Variants in EXPH5 observed in about 807,000 individuals in gnomAD.
The protein encoded by EXPH5 is exophilin 5.
A neutral mutation model predicts 41.1 loss-of-function variants in EXPH5; 42 were observed. The observed-to-expected ratio is 1.02, with a 90% CI of 0.80 to 1.32. The LOEUF (loss-of-function observed/expected upper bound fraction) is 1.32, where lower values mean the gene tolerates loss of function less well. EXPH5 is among the 40% of genes most tolerant of loss of function. The pLI, the probability that EXPH5 is intolerant of heterozygous loss-of-function variation, is 0.00. For synonymous variants in EXPH5, 798 were observed against 833.5 expected (o/e 0.96, Z 0.73); for missense variants, 2,298 against 2,314.5 (o/e 0.99, Z 0.15).
At chr11:108,592,960 C>A (rs1464528049) in intron 1 of EXPH5, among the ~76,000 whole-genome samples, 2 of 152,246 alleles carry the variant, frequency 1.3e-5, no homozygotes, top group African/African-American at 4.8e-5. Flanking sequence ...GGGAAAACTG[C>A]GTTAGGCGAG....
Position 108,593,540 on chromosome 11 carries a change from C to T in EXPH5, c.-4G>A. ...ACGCCGGAGGAACTTTCGTCATTTT[C>T]TTTACTGTGTGTGAGTTACACTTAA... On this transcript the variant is annotated 5_prime_UTR_variant, in exon 1 of 6. Coordinates refer to ENST00000265843, the MANE Select transcript of EXPH5 (RefSeq NM_015065.3). 6.2e-7 allele frequency: 1 copy of T among 1,614,180 alleles called. No homozygotes were observed. Among genetic ancestry groups the T allele is most frequent in the Non-Finnish European group, 8.5e-7 (1 of 1,180,022 alleles).
At chr11:108,544,019 G>A (rs1194964778) in intron 1 of EXPH5, among the ~76,000 whole-genome samples, 3 of 151,960 alleles carry the variant, frequency 2.0e-5, no homozygotes, top group South Asian at 2.1e-4. Flanking sequence ...TGGAGCCCTC[G>A]CTAATTGTCA....
intron 3 of EXPH5, among the ~76,000 whole-genome samples, chr11:108,534,415 C>T (rs1237396445): frequency 1.3e-5 from 2 of 152,146 alleles, no homozygotes; most frequent in Non-Finnish European, 2.9e-5. Flanking sequence ...ATATAAGGCC[C>T]GTGTGTTGTG....
chr11:108,527,890 A>G (rs1341003867), intron 4 of EXPH5, among the ~76,000 whole-genome samples: 2 of 152,232 alleles, frequency 1.3e-5, no homozygotes, highest in Non-Finnish European at 2.9e-5. Context: ...GCAAAATATC[A>G]GAGATGCCAC....
intron 1 of EXPH5, among the ~76,000 whole-genome samples, chr11:108,583,348 G>A (rs2136117158): frequency 6.6e-6 from 1 of 151,494 alleles, no homozygotes; most frequent in Non-Finnish European, 1.5e-5. Flanking sequence ...CTCCAGCCTG[G>A]GCGATAGAGT....
At chr11:108,579,118 C>G (rs539089652) in intron 1 of EXPH5, among the ~76,000 whole-genome samples, 19 of 152,060 alleles carry the variant, frequency 1.2e-4, no homozygotes, top group African/African-American at 4.6e-4. Context: ...TTCCCCCACT[C>G]AGTATGATGC....
chr11:108,550,251 A>C (rs1236589277), intron 1 of EXPH5, among the ~76,000 whole-genome samples: 1 of 152,150 alleles, frequency 6.6e-6, no homozygotes, highest in African/African-American at 2.4e-5. Flanking sequence ...CTGTATAAGG[A>C]AGCTTGGGTT....
At chr11:108,573,120 AAAAGAAGGAAGG>A (rs1403134545) in intron 1 of EXPH5, among the ~76,000 whole-genome samples, 1 of 137,662 alleles carries the variant, frequency 7.3e-6, no homozygotes, top group East Asian at 2.2e-4. Flanking sequence ...AAAGAAAAAG[AAAAGAAGGAAGG>A]AAAGAAGGAA....
the EXPH5 span, among the ~76,000 whole-genome samples, chr11:108,606,321 G>A: frequency 6.6e-6 from 1 of 151,986 alleles, no homozygotes; most frequent in Non-Finnish European, 1.5e-5. Flanking sequence ...TTTCCTCCTC[G>A]TGGGCCCTGT....
At chr11:108,541,131 C>T (rs1331142116) in intron 2 of EXPH5, among the ~76,000 whole-genome samples, 1 of 152,118 alleles carries the variant, frequency 6.6e-6, no homozygotes. Flanking sequence ...TCTCAAACTC[C>T]TGAGCTTAAG....
At chr11:108,595,923 C>T (rs1200662313), upstream of EXPH5, among the ~76,000 whole-genome samples, 2 of 152,136 alleles carry the variant, frequency 1.3e-5, no homozygotes, top group South Asian at 2.1e-4. Flanking sequence ...AACTTAAGGC[C>T]GGGCACAGTG....
chr11:108,534,715 C>G (rs1053851028), intron 3 of EXPH5, among the ~76,000 whole-genome samples: 2 of 152,160 alleles, frequency 1.3e-5, no homozygotes, highest in African/African-American at 4.8e-5. Context: ...TAGTACTCAC[C>G]ACCTTCTACT....
chr11:108,531,366 G>A lies in EXPH5; in HGVS notation c.444-3182C>T, dbSNP rs191081316. 4.6e-5 allele frequency among the ~76,000 whole-genome samples: 7 copies of A among 152,264 alleles called. No homozygotes were observed. In the East Asian group the frequency reaches 1.3e-3, roughly 29 times the overall value. The stretch of plus-strand genomic sequence containing the variant: ...CAGCTGAGGTGGGCAGATCATTTGA[G>A]GTCAGGTGTTTGAGACCAGCCTGGC... On this transcript the variant is annotated intron_variant, in intron 3 of 5. Transcript: ENST00000265843.
rs1254817357 is a variant in EXPH5, at chr11:108,510,781, T to A, written c.4726A>T (p.Lys1576Ter). 6.2e-6 allele frequency: 10 copies of A among 1,614,040 alleles called. No homozygotes were observed. Among genetic ancestry groups the A allele is most frequent in the Non-Finnish European group, 8.5e-6 (10 of 1,180,000 alleles). Residue 1576 changes from lysine (K) to a stop codon, truncating the protein, a stop_gained, in exon 6 of 6, where the codon AAA becomes TAA. Transcript: ENST00000265843. LOFTEE classifies it low-confidence loss of function (END_TRUNC). The part of the protein sequence containing the change: ...QPSLPEGNKN[K>*]TNLDDLVKGE... ...TTTACTAGGTCATCCAAGTTGGTTT[T>A]ATTTTTGTTTCCTTCAGGAAGTGAA...
chr11:108,532,065 T>C (rs2093841534), intron 3 of EXPH5, among the ~76,000 whole-genome samples: 1 of 151,980 alleles, frequency 6.6e-6, no homozygotes, highest in Non-Finnish European at 1.5e-5. Flanking sequence ...CCTGCAGTCT[T>C]CCATTTGTTC....
At chr11:108,515,266 T>C (rs1456652180) in intron 5 of EXPH5, among the ~76,000 whole-genome samples, 1 of 152,156 alleles carries the variant, frequency 6.6e-6, no homozygotes, top group Non-Finnish European at 1.5e-5. Context: ...TAGACAATTG[T>C]TAGTATTATT....
chr11:108,526,885 T>A (rs2135978497), intron 4 of EXPH5, among the ~76,000 whole-genome samples: 1 of 152,262 alleles, frequency 6.6e-6, no homozygotes, highest in East Asian at 1.9e-4. Flanking sequence ...AACGAAATGA[T>A]CTGTGTCAAG....
chr11:108,539,167 T>A lies in EXPH5; in HGVS notation c.300A>T (p.Thr100=). 6.3e-7 allele frequency: 1 copy of A among 1,598,668 alleles called. No individual in the cohort carries two copies. The highest frequency in any genetic ancestry group is 8.5e-7 in the Non-Finnish European group (1 of 1,173,952). The change falls in exon 3 of 6, where the codon ACA becomes ACT. Residue 100 remains threonine, a synonymous_variant. Transcript: ENST00000265843. Reference sequence around the variant, plus strand: ...GATTAGTTACATTTTTAGATCTTGATGTAGGTAATTCTATCGGATCTAGAA... The same window carrying A: ...GATTAGTTACATTTTTAGATCTTGAAGTAGGTAATTCTATCGGATCTAGAA... ...MAKNDPIELP[T]SRSKNVTNQK...
Position 108,510,392 on chromosome 11 carries a change from G to A in EXPH5, c.5115C>T (p.Asn1705=), listed in dbSNP as rs1352253610. The A allele has an allele frequency of 9.3e-6, 15 of 1,614,062 alleles. No homozygotes were observed. The highest frequency in any genetic ancestry group is 1.6e-4 in the Middle Eastern group (1 of 6,062). Residue 1705 remains asparagine, a synonymous_variant, in exon 6 of 6, where the codon AAC becomes AAT. Transcript: ENST00000265843. ...CATGCTTTGATGGTGATTCTGAGAC[G>A]TTTTTAAACTCATTCTGATGTCGTT... ...ISQRHQNEFK[N]VSESPSKHEN...
Sources: allele counts gnomAD v4.1 joint callset (sites outside exome capture counted in the v4.1 genomes callset), GRCh38; gene constraint gnomAD v4.1.1; transcripts MANE v1.5; gene names NCBI Gene and HGNC (gene_info 2026-07-23, HGNC 2026-07-21).